The following PARVA variants were observed in gnomAD, a reference collection of about 807,000 sequenced individuals.
PARVA encodes alpha-parvin.
In PARVA, 25 loss-of-function variants were observed where a neutral mutation model predicts 52.6. The ratio of observed to expected loss-of-function variants is 0.48; its 90% CI spans 0.35 to 0.66. The LOEUF is 0.66. PARVA is among the 30% of genes least tolerant of loss of function. The probability of loss-of-function intolerance (pLI) is 0.01; values close to 1 mark genes in which losing one functional copy is unlikely to be tolerated. For synonymous variants in PARVA, 185 were observed against 179.1 expected (o/e 1.03, Z -0.26); for missense variants, 373 against 450.9 (o/e 0.83, Z 1.56).
chr11:12,394,664 A>G (rs1397914928), intron 1 of PARVA, among the ~76,000 whole-genome samples: 1 of 152,160 alleles, frequency 6.6e-6, no homozygotes, highest in African/African-American at 2.4e-5. Flanking sequence ...TACTCTGGGT[A>G]TATCTGAAAT....
chr11:12,481,972 C>T (rs1941093320), intron 4 of PARVA, among the ~76,000 whole-genome samples: 3 of 151,590 alleles, frequency 2.0e-5, no homozygotes, highest in African/African-American at 7.3e-5. Context: ...GAGTTCGAGA[C>T]CAGCCTGACC....
chr11:12,488,848 CCTT>C (rs1454301152), intron 4 of PARVA, among the ~76,000 whole-genome samples: 1 of 152,100 alleles, frequency 6.6e-6, no homozygotes, highest in Non-Finnish European at 1.5e-5. Flanking sequence ...AAACATATGT[CCTT>C]CTTTTAAAGA....
At chr11:12,515,275 A>G (rs1941552762) in intron 10 of PARVA, among the ~76,000 whole-genome samples, 1 of 152,114 alleles carries the variant, frequency 6.6e-6, no homozygotes, top group Non-Finnish European at 1.5e-5. Context: ...CTTCTGCCTT[A>G]TACTTCTCTT....
chr11:12,392,037 C>T (rs899460960), intron 1 of PARVA, among the ~76,000 whole-genome samples: 2 of 152,070 alleles, frequency 1.3e-5, no homozygotes, highest in Non-Finnish European at 2.9e-5. Flanking sequence ...TTCCTAACCC[C>T]AAGTTGTCAC....
chr11:12,481,474 T>C (rs1941085757), intron 4 of PARVA, among the ~76,000 whole-genome samples: 1 of 152,244 alleles, frequency 6.6e-6, no homozygotes, highest in East Asian at 1.9e-4. Flanking sequence ...CATCATAAGA[T>C]ACTCCAAGAC....
chr11:12,518,528 C>T lies in PARVA; in HGVS notation c.1042+11C>T. 8 of 1,605,530 alleles carry T rather than the reference C, an allele frequency of 5.0e-6. No individual in the cohort carries two copies. Among genetic ancestry groups the T allele is most frequent in the Non-Finnish European group, 6.8e-6 (8 of 1,173,310 alleles). Reference sequence around the variant, plus strand: ...AACCGCGGCCAGAAGGTACTTTGCTCTTTCCTGGGTTTGTGACAACAGAGT... The same window carrying T: ...AACCGCGGCCAGAAGGTACTTTGCTTTTTCCTGGGTTTGTGACAACAGAGT... On this transcript the variant is annotated intron_variant, in intron 12 of 12. Transcript: ENST00000334956.
At chr11:12,482,383 T>C (rs1487084404) in intron 4 of PARVA, among the ~76,000 whole-genome samples, 2 of 151,642 alleles carry the variant, frequency 1.3e-5, no homozygotes, top group Non-Finnish European at 2.9e-5. Flanking sequence ...TCCCAACACT[T>C]TGGGAGGCCG....
intron 1 of PARVA, among the ~76,000 whole-genome samples, chr11:12,395,375 T>C (rs1939726759): frequency 6.6e-6 from 1 of 152,230 alleles, no homozygotes; most frequent in African/African-American, 2.4e-5. Context: ...GGGGCTCTGT[T>C]TGGGAGCCAT....
chr11:12,499,437 C>CT (rs1300364591), intron 5 of PARVA, among the ~76,000 whole-genome samples: 1,783 of 142,256 alleles, frequency 0.013, 24 homozygotes, highest in African/African-American at 0.035. Context: ...GGATTTCTTC[C>CT]TTTTTTTTTT....
chr11:12,443,400 G>C (rs1332305481), intron 1 of PARVA, among the ~76,000 whole-genome samples: 1 of 151,396 alleles, frequency 6.6e-6, no homozygotes, highest in Non-Finnish European at 1.5e-5. Context: ...TCAATCTCCT[G>C]ACCTCATGAT....
chr11:12,512,189 C>G (rs1316903342), intron 8 of PARVA, among the ~76,000 whole-genome samples: 1 of 152,168 alleles, frequency 6.6e-6, no homozygotes, highest in Non-Finnish European at 1.5e-5. Context: ...TGGGCATTTT[C>G]AGGGCAGTTC....
At chr11:12,379,444 A>G (rs933447936) in intron 1 of PARVA, among the ~76,000 whole-genome samples, 9 of 152,174 alleles carry the variant, frequency 5.9e-5, no homozygotes, top group African/African-American at 2.2e-4. Flanking sequence ...ATGCTAGACC[A>G]CTGGAATTCT....
intron 7 of PARVA, among the ~76,000 whole-genome samples, chr11:12,511,296 G>T (rs1383704773): frequency 6.6e-6 from 1 of 152,138 alleles, no homozygotes; most frequent in African/African-American, 2.4e-5. Flanking sequence ...TAACTGGGGG[G>T]AAAATGGGTG....
At chr11:12,435,302 GTTCCCATCCTT>G (rs1940371760) in intron 1 of PARVA, among the ~76,000 whole-genome samples, 1 of 151,946 alleles carries the variant, frequency 6.6e-6, no homozygotes, top group South Asian at 2.1e-4. Context: ...TCCTCCCTTA[GTTCCCATCCTT>G]TTCCCCTTCT....
chr11:12,514,158 C>T, intron 10 of PARVA, 93 bp downstream of exon 10: 1 of 925,742 alleles, frequency 1.1e-6, no homozygotes, highest in Non-Finnish European at 1.8e-6. Context: ...GAGGGCTTTC[C>T]CAGCTGAGGG....
chr11:12,506,756 A>G (rs1266544793), intron 6 of PARVA, among the ~76,000 whole-genome samples: 1 of 152,262 alleles, frequency 6.6e-6, no homozygotes, highest in Non-Finnish European at 1.5e-5. Context: ...GCACAGAAGC[A>G]AGACTCAGAA....
chr11:12,420,705 T>C (rs1559843), intron 1 of PARVA, among the ~76,000 whole-genome samples: 73,416 of 152,084 alleles, frequency 0.48, 18,886 homozygotes, highest in South Asian at 0.72. Context: ...TGCCAAACAC[T>C]GTTCTAAGCA....
intron 1 of PARVA, among the ~76,000 whole-genome samples, chr11:12,471,205 G>C (rs753413142): frequency 6.6e-6 from 1 of 152,152 alleles, no homozygotes; most frequent in Admixed American, 6.5e-5. Flanking sequence ...AGAATCACAA[G>C]TTCTGTTTGG....
At chr11:12,378,181 C>T (rs1185908025) in intron 1 of PARVA, among the ~76,000 whole-genome samples, 1 of 152,128 alleles carries the variant, frequency 6.6e-6, no homozygotes, top group African/African-American at 2.4e-5. Context: ...CGAAGGCTGG[C>T]ATTTCCCAAG....
Sources: allele counts gnomAD v4.1 joint callset (sites outside exome capture counted in the v4.1 genomes callset), GRCh38; gene constraint gnomAD v4.1.1; transcripts MANE v1.5; gene names NCBI Gene and HGNC (gene_info 2026-07-23, HGNC 2026-07-21).